The following ERC2 variants were observed in gnomAD, a reference collection of about 807,000 sequenced individuals.
ERC2 encodes ELKS/RAB6-interacting/CAST family member 2.
A neutral mutation model predicts 114.8 loss-of-function variants in ERC2; 42 were observed. The ratio of observed to expected loss-of-function variants is 0.37; its 90% CI spans 0.29 to 0.47. The LOEUF is 0.47. Among genes scored for constraint, ERC2 ranks in the 20% least tolerant of loss-of-function variants. ERC2 has a pLI of 0.99. For missense variants in ERC2, 939 were observed against 1,150.7 expected, an observed-to-expected ratio of 0.82 and a Z score of 2.66; for synonymous variants, 454 against 425.5, an observed-to-expected ratio of 1.07 and a Z score of -0.82.
chr3:55,732,944 A>AC (rs1491010119), intron 15 of ERC2, among the ~76,000 whole-genome samples: 1 of 149,408 alleles, frequency 6.7e-6, no homozygotes, highest in Non-Finnish European at 1.5e-5. Flanking sequence ...ATGCACCCCC[A>AC]CCCCCAATGA....
rs3055903 is a variant in ERC2 at position 56,313,001 on chromosome 3, CATATATATATATATAT to C, written c.658-16582_658-16567del. On this transcript the variant is annotated intron_variant, in intron 2 of 17. Coordinates refer to ENST00000288221, the MANE Select transcript of ERC2 (RefSeq NM_015576.3). Reference sequence around the variant, plus strand: ...TTAATATTTAGTGAATATGTATATTCATATATATATATATATATATATATATATATATATATGGGGT... The same window carrying C: ...TTAATATTTAGTGAATATGTATATTCATATATATATATATATATATGGGGT... 5.7e-3 allele frequency among the ~76,000 whole-genome samples: 251 copies of C among 43,886 alleles called. 2 individuals are homozygous for C. The highest frequency in any genetic ancestry group is 0.015 in the South Asian group (11 of 736). 28.8% of individuals were successfully genotyped at this position (43,886 alleles called of 152,430 possible).
chr3:55,615,145 G>A (rs749264603), intron 17 of ERC2, among the ~76,000 whole-genome samples: 20 of 152,276 alleles, frequency 1.3e-4, no homozygotes, highest in Non-Finnish European at 1.9e-4. Context: ...AGAGAAACAC[G>A]TACACTCTGT....
intron 14 of ERC2, among the ~76,000 whole-genome samples, chr3:55,826,083 C>T (rs2060316510): frequency 6.6e-6 from 1 of 152,044 alleles, no homozygotes; most frequent in African/African-American, 2.4e-5. Flanking sequence ...ACAAAAACCG[C>T]AGAGCTTCAC....
At chr3:56,359,099 CAT>C (rs1253511993) in intron 2 of ERC2, among the ~76,000 whole-genome samples, 1 of 152,190 alleles carries the variant, frequency 6.6e-6, no homozygotes, top group Admixed American at 6.5e-5. Flanking sequence ...AAAGTGTACA[CAT>C]GTGCAAAATC....
chr3:56,237,166 G>C (rs757510818), intron 3 of ERC2, among the ~76,000 whole-genome samples: 21 of 152,236 alleles, frequency 1.4e-4, no homozygotes, highest in Non-Finnish European at 2.8e-4. Flanking sequence ...ATACCTGCCT[G>C]CCTGTGCCTA....
intron 17 of ERC2, among the ~76,000 whole-genome samples, chr3:55,554,113 T>C (rs989601552): frequency 1.4e-4 from 21 of 152,202 alleles, no homozygotes; most frequent in African/African-American, 4.6e-4. Context: ...TACACATCTT[T>C]GCATAATTCT....
intron 17 of ERC2, among the ~76,000 whole-genome samples, chr3:55,513,407 A>T (rs991012979): frequency 1.3e-5 from 2 of 152,008 alleles, no homozygotes; most frequent in African/African-American, 2.4e-5. Flanking sequence ...CCCTCTCACA[A>T]GCGTGTCTCT....
chr3:56,416,016 C>T lies in ERC2; in HGVS notation c.657+18335G>A, dbSNP rs145297068. Among the ~76,000 whole-genome samples the T allele has an allele frequency of 6.6e-5, 10 of 152,288 alleles. 1 individual carries two copies. The highest frequency in any genetic ancestry group is 2.2e-4 in the African/African-American group (9 of 41,564). On this transcript the variant is annotated intron_variant, in intron 2 of 17. Transcript: ENST00000288221. ...TTTTGAGTGGCTTGGAGCCATGACA[C>T]GTTTTAACCAAGTTGAGCCTTGGAA...
chr3:55,522,005 AAC>A (rs1458154843), intron 17 of ERC2, among the ~76,000 whole-genome samples: 1 of 152,248 alleles, frequency 6.6e-6, no homozygotes, highest in Non-Finnish European at 1.5e-5. Flanking sequence ...CACTGCCATA[AAC>A]ACAGTCATCA....
chr3:56,232,560 G>A (rs1467741426), intron 3 of ERC2, among the ~76,000 whole-genome samples: 1 of 152,082 alleles, frequency 6.6e-6, no homozygotes, highest in Admixed American at 6.5e-5. Context: ...GAATGCCTGG[G>A]ACTTCATCCT....
intron 2 of ERC2, among the ~76,000 whole-genome samples, chr3:56,431,655 C>T (rs760532010): frequency 6.6e-6 from 1 of 152,180 alleles, no homozygotes; most frequent in South Asian, 2.1e-4. Context: ...TCCTAATATA[C>T]TTCCAAAAAG....
At chr3:55,683,647 G>A (rs1283826801) in intron 17 of ERC2, 147 bp downstream of exon 17, 2 of 654,484 alleles carry the variant, frequency 3.1e-6, no homozygotes, top group African/African-American at 1.9e-5. Flanking sequence ...GGAAGGGTCA[G>A]GGCACGCGGA....
At chr3:55,841,345 T>C (rs894004039) in intron 14 of ERC2, among the ~76,000 whole-genome samples, 4 of 152,060 alleles carry the variant, frequency 2.6e-5, no homozygotes, top group African/African-American at 7.2e-5. Context: ...ATCTGATGGT[T>C]TTATAAATGG....
intron 7 of ERC2, among the ~76,000 whole-genome samples, chr3:56,040,188 G>A (rs1341008695): frequency 6.6e-6 from 1 of 152,040 alleles, no homozygotes; most frequent in East Asian, 1.9e-4. Flanking sequence ...AGGAAACATA[G>A]ACGTTGAACA....
Position 56,149,075 on chromosome 3 carries a change from T to G in ERC2, c.1207A>C (p.Met403Leu). Residue 403 changes from methionine to leucine, a missense_variant, in exon 5 of 18, where the codon ATG becomes CTG. Met to Leu is a conservative substitution (Grantham distance 15, BLOSUM62 2). Coordinates refer to ENST00000288221, the MANE Select transcript of ERC2 (RefSeq NM_015576.3). ...NIRDLEDEIQ[M>L]LKANGVLNTE... ...TTCAGCACACCATTGGCTTTTAACA[T>G]CTGGATCTCATCCTCAAGATCCCTT... 1 of 1,613,202 alleles carries G rather than the reference T, an allele frequency of 6.2e-7. No individual in the cohort carries two copies. The highest frequency in any genetic ancestry group is 8.5e-7 in the Non-Finnish European group (1 of 1,179,458).
chr3:56,164,591 A>G (rs1340254270), intron 4 of ERC2, among the ~76,000 whole-genome samples: 1 of 152,088 alleles, frequency 6.6e-6, no homozygotes, highest in African/African-American at 2.4e-5. Flanking sequence ...TATGTTTGCA[A>G]TTCTGTTGGG....
At chr3:56,049,205 A>T (rs1468342545) in intron 7 of ERC2, among the ~76,000 whole-genome samples, 1 of 152,300 alleles carries the variant, frequency 6.6e-6, no homozygotes, top group East Asian at 1.9e-4. Flanking sequence ...GTTGACAAAG[A>T]TGAGGCTGGC....
At chr3:55,907,438 C>G (rs942091449) in intron 13 of ERC2, among the ~76,000 whole-genome samples, 1 of 152,146 alleles carries the variant, frequency 6.6e-6, no homozygotes, top group African/African-American at 2.4e-5. Flanking sequence ...TCTAGAATAG[C>G]ATCAGGTACG....
intron 14 of ERC2, among the ~76,000 whole-genome samples, chr3:55,858,778 C>G (rs1251345951): frequency 6.6e-6 from 1 of 152,154 alleles, no homozygotes; most frequent in Non-Finnish European, 1.5e-5. Flanking sequence ...TAGGCAGGGT[C>G]CGGGCCAGCC....
Sources: allele counts gnomAD v4.1 joint callset (sites outside exome capture counted in the v4.1 genomes callset), GRCh38; gene constraint gnomAD v4.1.1; transcripts MANE v1.5; gene names NCBI Gene and HGNC (gene_info 2026-07-23, HGNC 2026-07-21).